Variants in NT5C3A observed in about 807,000 individuals in gnomAD.
NT5C3A encodes the protein cytosolic 5'-nucleotidase 3A.
NT5C3A carries 23 observed loss-of-function variants against 40.0 expected under a neutral mutation model. The ratio of observed to expected loss-of-function variants is 0.58; its 90% CI spans 0.41 to 0.81. NT5C3A has a LOEUF of 0.81. Among genes scored for constraint, NT5C3A ranks in the 40% least tolerant of loss-of-function variants. The pLI is 0.00. For synonymous variants in NT5C3A, 130 were observed against 141.4 expected (o/e 0.92, Z 0.57); for missense variants, 328 against 403.0 (o/e 0.81, Z 1.59).
intron 3 of NT5C3A, among the ~76,000 whole-genome samples, chr7:33,022,614 T>C (rs531630847): frequency 6.6e-6 from 1 of 152,354 alleles, no homozygotes; most frequent in East Asian, 1.9e-4. Context: ...TAAGATTTCA[T>C]GTATATCAAT....
At chr7:33,021,242 T>A (rs201888703) in intron 5 of NT5C3A, 30 bp downstream of exon 5, 20 of 1,609,012 alleles carry the variant, frequency 1.2e-5, no homozygotes, top group East Asian at 2.2e-5. Context: ...TATTTTTTTT[T>A]AATCCTCCTA....
Position 33,032,959 on chromosome 7 carries a change from C to A in NT5C3A, c.139-6044G>T, listed in dbSNP as rs578002554. ...GTAGAGACGGGTCTCACTATGTTGC[C>A]CAGGCTGGTCTCAAACTCCTGAGCT... On this transcript the variant is annotated intron_variant, in intron 1 of 8. Coordinates refer to ENST00000610140, the MANE Select transcript of NT5C3A (RefSeq NM_001002010.5). Among the ~76,000 whole-genome samples, 34 of 152,240 alleles carry A rather than the reference C, an allele frequency of 2.2e-4. 1 individual carries two copies. In the South Asian group the frequency reaches 5.4e-3, roughly 24 times the overall value.
chr7:33,049,100 G>T (rs988423624), intron 1 of NT5C3A, among the ~76,000 whole-genome samples: 1 of 152,100 alleles, frequency 6.6e-6, no homozygotes, highest in Non-Finnish European at 1.5e-5. Flanking sequence ...AAGGCACTTA[G>T]AATAGTATAC....
intron 6 of NT5C3A, among the ~76,000 whole-genome samples, chr7:33,019,390 A>G (rs1383622218): frequency 6.6e-6 from 1 of 152,188 alleles, no homozygotes; most frequent in East Asian, 1.9e-4. Flanking sequence ...GACATTTTTA[A>G]TCTGGAGAAA....
chr7:33,015,927 C>T, intron 7 of NT5C3A, 57 bp from the exon 8 acceptor site: 1 of 1,192,208 alleles, frequency 8.4e-7, no homozygotes, highest in Non-Finnish European at 1.2e-6. Context: ...GTTGGATTTT[C>T]ATATTTTGGA....
At chr7:33,037,190 G>A (rs1480554404) in intron 1 of NT5C3A, among the ~76,000 whole-genome samples, 5 of 152,156 alleles carry the variant, frequency 3.3e-5, no homozygotes, top group Non-Finnish European at 5.9e-5. Context: ...CACAAAATAG[G>A]TATGTGAGAG....
At chr7:33,026,376 A>C (rs1432766189) in intron 2 of NT5C3A, among the ~76,000 whole-genome samples, 1 of 150,132 alleles carries the variant, frequency 6.7e-6, no homozygotes, top group African/African-American at 2.4e-5. Flanking sequence ...AAAAAAAAGA[A>C]GCCTTTATTA....
chr7:33,051,232 T>C (rs904902918), intron 1 of NT5C3A, among the ~76,000 whole-genome samples: 2 of 152,098 alleles, frequency 1.3e-5, no homozygotes, highest in Non-Finnish European at 1.5e-5. Context: ...GGTGCAATCT[T>C]GGCTCACTGC....
At chr7:33,023,311 C>T (rs910795661) in intron 3 of NT5C3A, among the ~76,000 whole-genome samples, 11 of 151,928 alleles carry the variant, frequency 7.2e-5, no homozygotes, top group African/African-American at 1.2e-4. Context: ...CAGGCTGGAG[C>T]GCAGTTGTGC....
intron 6 of NT5C3A, 89 bp downstream of exon 6, chr7:33,019,546 T>A: frequency 1.2e-6 from 1 of 814,680 alleles, no homozygotes; most frequent in Non-Finnish European, 2.1e-6. Flanking sequence ...GAATATTCAA[T>A]CTTATTTTTA....
chr7:33,018,351 T>C (rs186078947), intron 6 of NT5C3A, among the ~76,000 whole-genome samples: 132 of 152,334 alleles, frequency 8.7e-4, no homozygotes, highest in Admixed American at 2.0e-3. Flanking sequence ...TTCCCTTTTT[T>C]ACCCTTCCTG....
rs768881975 is a variant in NT5C3A at position 33,017,504 on chromosome 7, G to A, written c.628C>T (p.Arg210Cys). 14 of 1,613,442 alleles carry A rather than the reference G, an allele frequency of 8.7e-6. No individual in the cohort carries two copies. In the South Asian group the frequency reaches 1.4e-4, roughly 16 times the overall value. Residue 210 changes from arginine to cysteine, a missense_variant, in exon 7 of 9, where the codon CGT becomes TGT. Arg to Cys is a radical substitution (Grantham distance 180). This residue lies in a region of NT5C3A where 280 missense variants were observed against 317.2 expected (regional missense o/e 0.88). Transcript: ENST00000610140. ...TTGGGATGATAAACACCAGCTTGAC[G>A]AATAACTTCCTCTAGTACATCGCCG... Reference protein sequence around the residue: ...GIGDVLEEVIRQAGVYHPNVK... With the variant: ...GIGDVLEEVICQAGVYHPNVK...
intron 2 of NT5C3A, among the ~76,000 whole-genome samples, chr7:33,024,533 C>CGGTT (rs768930688): frequency 8.6e-5 from 13 of 151,656 alleles, no homozygotes; most frequent in Non-Finnish European, 1.6e-4. Context: ...AGTAGAAAGA[C>CGGTT]GGTTACCAGA....
At position 33,019,635 on chromosome 7, in the gene NT5C3A, T is replaced by C; in HGVS notation, c.530A>G (p.Lys177Arg). 2 of 1,572,230 alleles carry C rather than the reference T, an allele frequency of 1.3e-6. No individual in the cohort carries two copies. The highest frequency in any genetic ancestry group is 1.7e-6 in the Non-Finnish European group (2 of 1,143,284). The change falls in exon 6 of 9, where the codon AAA (lysine) becomes AGA (arginine). Residue 177 changes from lysine to arginine, a missense_variant and splice_region_variant. By Grantham distance (26) the Lys-to-Arg change is conservative. Around this residue, in one of 3 missense-constraint regions of NT5C3A, gnomAD observed 280 missense variants for 317.2 expected, o/e 0.88. Transcript: ENST00000610140. ...AGCAAAAAACATCCAAGAAACTTACTTGAGCATAACGTCAGATTCTGCCAC... is the reference window on the plus strand; with the variant it reads ...AGCAAAAAACATCCAAGAAACTTACCTGAGCATAACGTCAGATTCTGCCAC... Reference protein sequence around the residue: ...EIVAESDVMLKEGYENFFDKL... With the variant: ...EIVAESDVMLREGYENFFDKL...
At chr7:33,029,786 C>G in intron 1 of NT5C3A, 2 of 1,003,670 alleles carry the variant, frequency 2.0e-6, no homozygotes, top group Non-Finnish European at 2.7e-6. Context: ...AGGCTGGTCT[C>G]AAACTCCTGG....
chr7:33,042,228 C>G (rs1473878990), intron 1 of NT5C3A, among the ~76,000 whole-genome samples: 1 of 151,944 alleles, frequency 6.6e-6, no homozygotes, highest in East Asian at 1.9e-4. Context: ...ATCCCAGCTA[C>G]TCAGGGTAGG....
chr7:33,026,353 GAA>G (rs1226260693), intron 2 of NT5C3A, among the ~76,000 whole-genome samples: 26 of 94,174 alleles, frequency 2.8e-4, no homozygotes, highest in African/African-American at 9.1e-4. Flanking sequence ...CATCTCAAAA[GAA>G]AAAAAAAAAA....
At position 33,017,385 on chromosome 7, in the gene NT5C3A, T is replaced by C. The variant is rs774458242; in HGVS notation, c.693+54A>G. ...TTAAGTAACAATAAATAAATTTACA[T>C]GATTAAAATATTTTCAGATTTTAAA... is the stretch of plus-strand genomic sequence containing the variant. On this transcript the variant is annotated intron_variant, in intron 7 of 8. Coordinates refer to ENST00000610140, the MANE Select transcript of NT5C3A (RefSeq NM_001002010.5). The C allele has an allele frequency of 8.0e-6, 11 of 1,371,040 alleles. No homozygotes were observed. The South Asian group carries it at 1.2e-4, about 15-fold the overall frequency. The allele number at this position is 1,371,040 out of a possible 1,614,324, so 84.9% of individuals were successfully genotyped here.
Position 33,017,523 on chromosome 7 carries a change from A to C in NT5C3A, c.609T>G (p.Asp203Glu). 3 of 1,613,752 alleles carry C rather than the reference A, an allele frequency of 1.9e-6. No individual in the cohort carries two copies. Among genetic ancestry groups the C allele is most frequent in the Non-Finnish European group, 1.7e-6 (2 of 1,179,614 alleles). The change falls in exon 7 of 9, where the codon GAT (aspartate) becomes GAG (glutamate). Residue 203 changes from aspartate to glutamate, a missense_variant. This residue lies in a region of NT5C3A where 280 missense variants were observed against 317.2 expected (regional missense o/e 0.88). Transcript: ENST00000610140. ...PVFIFSAGIGDVLEEVIRQAG... is the reference protein window; with the variant it reads ...PVFIFSAGIGEVLEEVIRQAG... ...CTTGACGAATAACTTCCTCTAGTACATCGCCGATTCCAGCCGAAAATATGA... is the reference window on the plus strand; with the variant it reads ...CTTGACGAATAACTTCCTCTAGTACCTCGCCGATTCCAGCCGAAAATATGA...
Sources: gnomAD v4.1 joint callset for allele counts (sites outside exome capture counted in the v4.1 genomes callset) on GRCh38, gnomAD v4.1.1 for gene constraint, gnomAD v4.1.1 regional missense constraint, MANE v1.5 for transcripts, NCBI Gene and HGNC (gene_info 2026-07-23, HGNC 2026-07-21) for gene names.